The following TAFA5 variants were observed in gnomAD, a reference collection of about 807,000 sequenced individuals.
TAFA5 encodes TAFA chemokine like family member 5, also known as chemokine-like protein TAFA-5.
In TAFA5, 6 loss-of-function variants were observed where a neutral mutation model predicts 15.3. That is an observed-to-expected ratio of 0.39 (90% CI 0.21 to 0.77). TAFA5 has a LOEUF of 0.77. TAFA5 is among the 30% of genes least tolerant of loss of function. TAFA5 has a pLI of 0.41. For missense variants in TAFA5, 161 were observed against 193.1 expected, an observed-to-expected ratio of 0.83 and a Z score of 0.98; for synonymous variants, 103 against 80.7, an observed-to-expected ratio of 1.28 and a Z score of -1.48.
At position 48,624,098 on chromosome 22, in the gene TAFA5, C is replaced by G. The variant is rs117549911; in HGVS notation, c.113-22499C>G. Among the ~76,000 whole-genome samples the G allele has an allele frequency of 1.2e-4, 18 of 152,330 alleles. No individual in the cohort carries two copies. The East Asian group carries it at 3.5e-3, about 29-fold the overall frequency. On this transcript the variant is annotated intron_variant, in intron 1 of 3. Coordinates refer to ENST00000402357, the MANE Select transcript of TAFA5 (RefSeq NM_001082967.3). ...CTCCTGGCCCTGACAGTTGCTCAGA[C>G]TTTCCGTGTTGTTGATGACCCTGAC...
intron 3 of TAFA5, among the ~76,000 whole-genome samples, chr22:48,722,579 T>G (rs372021218): frequency 6.6e-6 from 1 of 152,062 alleles, no homozygotes; most frequent in Admixed American, 6.6e-5. Flanking sequence ...AGGGGAGGGA[T>G]AGCATCAGGA....
At chr22:48,525,371 C>T (rs952885253) in intron 1 of TAFA5, among the ~76,000 whole-genome samples, 13 of 152,304 alleles carry the variant, frequency 8.5e-5, no homozygotes, top group Admixed American at 3.9e-4. Flanking sequence ...TTGGTCCACA[C>T]CCCACCCTCA....
intron 1 of TAFA5, among the ~76,000 whole-genome samples, chr22:48,520,801 C>T (rs1921575875): frequency 6.6e-6 from 1 of 152,184 alleles, no homozygotes; most frequent in East Asian, 1.9e-4. Flanking sequence ...TTAGGGGCCC[C>T]TAAACAAGGG....
At chr22:48,632,985 C>T (rs73891305) in intron 1 of TAFA5, among the ~76,000 whole-genome samples, 40 of 152,306 alleles carry the variant, frequency 2.6e-4, no homozygotes, top group African/African-American at 9.1e-4. Flanking sequence ...GAATGGTGCT[C>T]ACAGCCGTCC....
chr22:48,544,604 G>T (rs1025025650), intron 1 of TAFA5: 5 of 439,922 alleles, frequency 1.1e-5, no homozygotes, highest in African/African-American at 1.0e-4. Flanking sequence ...GCACAGAGCG[G>T]CACAGCTGGC....
At chr22:48,661,089 G>C (rs1927423119) in intron 2 of TAFA5, among the ~76,000 whole-genome samples, 1 of 152,200 alleles carries the variant, frequency 6.6e-6, no homozygotes, top group Non-Finnish European at 1.5e-5. Flanking sequence ...AGGAACAAAG[G>C]TTTGCTGAGC....
intron 1 of TAFA5, among the ~76,000 whole-genome samples, chr22:48,554,043 C>T (rs1601575280): frequency 6.6e-6 from 1 of 152,236 alleles, no homozygotes; most frequent in South Asian, 2.1e-4. Context: ...ATCCTGCTCC[C>T]GCTTCCAGAA....
chr22:48,540,416 T>A (rs1249837173), intron 1 of TAFA5, among the ~76,000 whole-genome samples: 1 of 152,066 alleles, frequency 6.6e-6, no homozygotes, highest in African/African-American at 2.4e-5. Context: ...TGCCCAGAAC[T>A]GACACCCGCC....
rs551254530 is a variant in TAFA5 at position 48,517,907 on chromosome 22, G to A, written c.112+28203G>A. ...CCCCTCTGTTTTCCAGCCCAGTGGC[G>A]CTCACATGTGACGGTGCGGGGGCAG... On this transcript the variant is annotated intron_variant, in intron 1 of 3. Coordinates refer to ENST00000402357, the MANE Select transcript of TAFA5 (RefSeq NM_001082967.3). Among the ~76,000 whole-genome samples the A allele has an allele frequency of 2.1e-3, 316 of 152,316 alleles. 4 individuals carry two copies. Among genetic ancestry groups the A allele is most frequent in the African/African-American group, 7.3e-3 (302 of 41,568 alleles).
intron 1 of TAFA5, among the ~76,000 whole-genome samples, chr22:48,522,521 C>T (rs1195470281): frequency 1.3e-5 from 2 of 152,230 alleles, no homozygotes; most frequent in South Asian, 2.1e-4. Context: ...TCGCGTCCTC[C>T]GCTTCTGGAA....
chr22:48,524,666 C>T (rs1423101734), intron 1 of TAFA5, among the ~76,000 whole-genome samples: 4 of 152,204 alleles, frequency 2.6e-5, no homozygotes, highest in African/African-American at 7.2e-5. Flanking sequence ...CCGGCACACA[C>T]GCCATCTCGA....
At chr22:48,554,749 A>C (rs1922971471) in intron 1 of TAFA5, among the ~76,000 whole-genome samples, 1 of 152,240 alleles carries the variant, frequency 6.6e-6, no homozygotes, top group African/African-American at 2.4e-5. Flanking sequence ...AAAATTATGA[A>C]ATGCTAAGAT....
chr22:48,514,354 C>T (rs1486781691), intron 1 of TAFA5, among the ~76,000 whole-genome samples: 1 of 152,202 alleles, frequency 6.6e-6, no homozygotes, highest in Non-Finnish European at 1.5e-5. Context: ...AATCCCCAGG[C>T]GTTGTCAAAT....
rs1442430068 is a variant in TAFA5 at position 48,566,685 on chromosome 22, G to GCAACCTTCTT, written c.112+76981_112+76982insCAACCTTCTT. Among the ~76,000 whole-genome samples the GCAACCTTCTT allele has an allele frequency of 1.3e-5, 2 of 152,216 alleles. No homozygotes were observed. The highest frequency in any genetic ancestry group is 2.9e-5 in the Non-Finnish European group (2 of 68,040). The stretch of plus-strand genomic sequence containing the variant: ...CCTCAGCAATACGTTGGGGGGTGGG[G>GCAACCTTCTT]TGGAATCTTTGCCTAAGAAGGTTGT... On this transcript the variant is annotated intron_variant, in intron 1 of 3. Transcript: ENST00000402357. The surrounding 1 kb of genome is among the most constrained non-coding windows in gnomAD (Gnocchi z 4.5).
chr22:48,610,615 G>A (rs991848995), intron 1 of TAFA5, among the ~76,000 whole-genome samples: 1 of 151,486 alleles, frequency 6.6e-6, no homozygotes, highest in Non-Finnish European at 1.5e-5. Context: ...GGGCAGGCTC[G>A]CAGGCAGCTC....
At chr22:48,663,756 A>G (rs943636513) in intron 2 of TAFA5, among the ~76,000 whole-genome samples, 1 of 152,122 alleles carries the variant, frequency 6.6e-6, no homozygotes, top group Non-Finnish European at 1.5e-5. Flanking sequence ...GCATATTCAC[A>G]CTGTCCAAGT....
chr22:48,634,363 A>T (rs1926364358), intron 1 of TAFA5, among the ~76,000 whole-genome samples: 4 of 150,030 alleles, frequency 2.7e-5, no homozygotes, highest in Admixed American at 2.6e-4. Context: ...CTCATCACTC[A>T]TTCATTAACT....
chr22:48,593,202 G>A (rs1924637597), intron 1 of TAFA5, among the ~76,000 whole-genome samples: 1 of 152,210 alleles, frequency 6.6e-6, no homozygotes. Flanking sequence ...GCCAGCCCAG[G>A]ACCCCACCTG....
intron 3 of TAFA5, among the ~76,000 whole-genome samples, chr22:48,722,467 A>G (rs1929597728): frequency 6.6e-6 from 1 of 152,194 alleles, no homozygotes; most frequent in African/African-American, 2.4e-5. Context: ...ACAGAAAACC[A>G]AACACCGCGT....
Sources: allele counts gnomAD v4.1 joint callset (sites outside exome capture counted in the v4.1 genomes callset), GRCh38; gene constraint gnomAD v4.1.1; non-coding constraint Gnocchi (gnomAD v3.1); transcripts MANE v1.5; gene names NCBI Gene and HGNC (gene_info 2026-07-23, HGNC 2026-07-21).